The following GALNT13 variants were observed in gnomAD, a reference collection of about 807,000 sequenced individuals.
The protein encoded by GALNT13 is UDP-GalNAc:polypeptide N-acetylgalactosaminyltransferase 13.
GALNT13 carries 28 observed loss-of-function variants against 64.2 expected under a neutral mutation model. The observed-to-expected ratio is 0.44, with a 90% CI of 0.32 to 0.60. The LOEUF is 0.60. Ranked by LOEUF, GALNT13 falls within the 20% of genes least tolerant of loss-of-function variation. The pLI is 0.05. For synonymous variants in GALNT13, 214 were observed against 224.6 expected (o/e 0.95, Z 0.42); for missense variants, 577 against 669.8 (o/e 0.86, Z 1.53).
chr2:153,752,573 C>G, the GALNT13 span, among the ~76,000 whole-genome samples: 1 of 152,136 alleles, frequency 6.6e-6, no homozygotes, highest in African/African-American at 2.4e-5. Flanking sequence ...CACTCTCTCT[C>G]TTCTGGCCTG....
chr2:153,247,589 C>T, the GALNT13 span, among the ~76,000 whole-genome samples: 2 of 151,490 alleles, frequency 1.3e-5, no homozygotes, highest in African/African-American at 4.8e-5. Flanking sequence ...AAATTTATAG[C>T]ACTAAATGCC....
rs561158234 is a variant in GALNT13, at chr2:154,025,064, A to G, written c.142+80425A>G. 2.3e-4 allele frequency among the ~76,000 whole-genome samples: 35 copies of G among 152,298 alleles called. 2 individuals carry two copies. In the South Asian group the frequency reaches 6.8e-3, roughly 30 times the overall value. On this transcript the variant is annotated intron_variant, in intron 3 of 12. Transcript: ENST00000392825. ...ATCGTTCCTCTGGAAGTTTTGGCTC[A>G]GAGGAGTACCCAGCCGTGTAAGTTG...
chr2:154,358,941 A>C (rs1696905681), intron 9 of GALNT13, among the ~76,000 whole-genome samples: 1 of 152,140 alleles, frequency 6.6e-6, no homozygotes. Flanking sequence ...TTGTCTGAAT[A>C]ACTGTAATAA....
chr2:153,399,879 AT>A, the GALNT13 span, among the ~76,000 whole-genome samples: 1 of 151,626 alleles, frequency 6.6e-6, no homozygotes, highest in East Asian at 1.9e-4. Flanking sequence ...AACAGGGACA[AT>A]TTGACTTCCT....
intron 1 of GALNT13, among the ~76,000 whole-genome samples, chr2:153,884,849 A>G (rs1450171788): frequency 2.6e-5 from 2 of 76,458 alleles, no homozygotes; most frequent in Non-Finnish European, 4.7e-5. Flanking sequence ...GTGTGTATAT[A>G]TGTATATACA....
the GALNT13 span, among the ~76,000 whole-genome samples, chr2:153,571,140 T>C: frequency 6.6e-6 from 1 of 152,004 alleles, no homozygotes; most frequent in Non-Finnish European, 1.5e-5. Flanking sequence ...CTGTCATCAG[T>C]ATTTTACAGT....
At chr2:154,246,180 T>C (rs955820524) in intron 7 of GALNT13, among the ~76,000 whole-genome samples, 198 bp downstream of exon 7, 11 of 152,072 alleles carry the variant, frequency 7.2e-5, no homozygotes, top group Non-Finnish European at 1.0e-4. Flanking sequence ...CAAACTTAAG[T>C]ATTGGCAAAA....
the GALNT13 span, among the ~76,000 whole-genome samples, chr2:153,485,397 T>C: frequency 1.3e-5 from 2 of 152,222 alleles, no homozygotes; most frequent in African/African-American, 2.4e-5. Context: ...AATTTAATTA[T>C]TATTTACACA....
chr2:154,434,878 C>T (rs1268543070), intron 11 of GALNT13, among the ~76,000 whole-genome samples: 1 of 152,048 alleles, frequency 6.6e-6, no homozygotes, highest in Non-Finnish European at 1.5e-5. Flanking sequence ...TGTAATTGCA[C>T]AATAGAAGAA....
chr2:153,204,919 T>C, the GALNT13 span, among the ~76,000 whole-genome samples: 3 of 152,320 alleles, frequency 2.0e-5, no homozygotes, highest in East Asian at 3.9e-4. Flanking sequence ...ATTTAACTAC[T>C]GTATCTTGTT....
At chr2:154,065,110 G>C (rs1473252303) in intron 3 of GALNT13, among the ~76,000 whole-genome samples, 2 of 152,124 alleles carry the variant, frequency 1.3e-5, no homozygotes, top group African/African-American at 2.4e-5. Context: ...TTGTGGGTCT[G>C]TGGCAGTGGG....
chr2:153,438,394 G>T, the GALNT13 span, among the ~76,000 whole-genome samples: 3 of 152,114 alleles, frequency 2.0e-5, no homozygotes, highest in East Asian at 1.9e-4. Context: ...TTGGGGAAGT[G>T]CTCCTGGATA....
chr2:153,797,814 G>A, the GALNT13 span, among the ~76,000 whole-genome samples: 1 of 152,228 alleles, frequency 6.6e-6, no homozygotes, highest in East Asian at 1.9e-4. Context: ...TGCTATTGCT[G>A]GCCTATGCCC....
Position 153,886,151 on chromosome 2 carries a change from G to T in GALNT13, c.-177+13848G>T, listed in dbSNP as rs1308915091. ...ATGTGGTAAAACCTAGTCTTTTATA[G>T]TATAAAAGGATAGGGGATTCTGAAC... On this transcript the variant is annotated intron_variant, in intron 1 of 12. Transcript: ENST00000392825. Among the ~76,000 whole-genome samples the T allele has an allele frequency of 2.0e-5, 3 of 147,628 alleles. No homozygotes were observed. The East Asian group carries it at 6.0e-4, about 30-fold the overall frequency.
At chr2:153,360,573 C>G in the GALNT13 span, among the ~76,000 whole-genome samples, 9 of 152,302 alleles carry the variant, frequency 5.9e-5, no homozygotes, top group Admixed American at 1.3e-4. Flanking sequence ...GTGGTATTCC[C>G]CACAGCCCAA....
At chr2:154,344,793 C>T (rs144333752) in intron 9 of GALNT13, among the ~76,000 whole-genome samples, 488 of 151,840 alleles carry the variant, frequency 3.2e-3, no homozygotes, top group African/African-American at 0.011. Flanking sequence ...AGAATTAGTG[C>T]GAATAGAATT....
the GALNT13 span, among the ~76,000 whole-genome samples, chr2:153,220,250 G>A: frequency 1.8e-3 from 272 of 152,312 alleles, 7 homozygotes; most frequent in East Asian, 0.047. Flanking sequence ...GTGATGGTCA[G>A]GCAGTTGTCA....
At chr2:153,951,123 G>A (rs1183126609) in intron 3 of GALNT13, among the ~76,000 whole-genome samples, 1 of 152,064 alleles carries the variant, frequency 6.6e-6, no homozygotes, top group Non-Finnish European at 1.5e-5. Context: ...GGGAAATTGG[G>A]GTGTGAGATG....
the GALNT13 span, among the ~76,000 whole-genome samples, chr2:153,687,402 T>TATATG: frequency 1.3e-5 from 2 of 151,980 alleles, no homozygotes; most frequent in Non-Finnish European, 2.9e-5. Context: ...TTAAGCCATT[T>TATATG]CTTCTAGATT....
Sources: allele counts gnomAD v4.1 joint callset (sites outside exome capture counted in the v4.1 genomes callset), GRCh38; gene constraint gnomAD v4.1.1; transcripts MANE v1.5; gene names NCBI Gene and HGNC (gene_info 2026-07-23, HGNC 2026-07-21).